The following PCDH15 variants were observed in gnomAD, a reference collection of about 807,000 sequenced individuals.
PCDH15 encodes protocadherin-15.
Under a neutral mutation model 178.5 loss-of-function variants are expected in PCDH15, and 129 were observed. That is an observed-to-expected ratio of 0.72 (90% CI 0.63 to 0.84). The LOEUF (loss-of-function observed/expected upper bound fraction) is 0.84. Ranked by LOEUF, PCDH15 falls within the 40% of genes least tolerant of loss-of-function variation. The pLI, the probability that PCDH15 is intolerant of heterozygous loss-of-function variation, is 0.00. For missense variants in PCDH15, 2,230 were observed against 2,099.9 expected (o/e 1.06, Z -1.21); for synonymous variants, 800 against 732.0 (o/e 1.09, Z -1.50).
At position 53,807,000 on chromosome 10, in the gene PCDH15, C is replaced by T; in HGVS notation, c.4802G>A (p.Gly1601Asp). 6.2e-7 allele frequency: 1 copy of T among 1,613,648 alleles called. No homozygotes were observed. Among genetic ancestry groups the T allele is most frequent in the Non-Finnish European group, 8.5e-7 (1 of 1,179,778 alleles). Residue 1601 changes from glycine to aspartate, a missense_variant, in exon 38 of 38, where the codon GGC becomes GAC. By Grantham distance (94) the Gly-to-Asp change is moderately conservative (BLOSUM62 -1). Coordinates refer to ENST00000644397, the MANE Select transcript of PCDH15 (RefSeq NM_001384140.1). Reference protein sequence around the residue: ...HHPSIHSNINGNIYIAQNGSV... With the variant: ...HHPSIHSNINDNIYIAQNGSV... ...ACCATTCTGTGCAATATATATATTG[C>T]CGTTGATATTACTGTGGATACTAGG...
chr10:54,318,153 T>C (rs186147305), intron 7 of PCDH15, among the ~76,000 whole-genome samples: 32 of 152,326 alleles, frequency 2.1e-4, no homozygotes, highest in Non-Finnish European at 3.4e-4. Flanking sequence ...GGGGGCCATC[T>C]CTTTGAAATG....
At chr10:55,189,612 GT>G in intron 1 of PCDH15, among the ~76,000 whole-genome samples, 1 of 151,842 alleles carries the variant, frequency 6.6e-6, no homozygotes, top group Non-Finnish European at 1.5e-5. Context: ...TAAGAACTTT[GT>G]TTTACATAAA....
chr10:53,939,075 C>G, intron 24 of PCDH15, 120 bp from the exon 25 acceptor site: 1 of 955,714 alleles, frequency 1.0e-6, no homozygotes, highest in Non-Finnish European at 1.6e-6. Context: ...TAGAGTGATG[C>G]ATGAAAGTGA....
chr10:54,250,533 T>A (rs1190821430), intron 8 of PCDH15, among the ~76,000 whole-genome samples: 1 of 152,014 alleles, frequency 6.6e-6, no homozygotes, highest in African/African-American at 2.4e-5. Context: ...TCCACTTGCC[T>A]CGGCCTCTCA....
chr10:54,787,428 A>G (rs1950990128), intron 1 of PCDH15, among the ~76,000 whole-genome samples: 1 of 151,958 alleles, frequency 6.6e-6, no homozygotes, highest in African/African-American at 2.4e-5. Context: ...TTTACATATC[A>G]TTATGTGATA....
intron 3 of PCDH15, among the ~76,000 whole-genome samples, chr10:54,508,601 G>A (rs2081367531): frequency 6.6e-6 from 1 of 152,128 alleles, no homozygotes; most frequent in Non-Finnish European, 1.5e-5. Flanking sequence ...AATATCTGAT[G>A]TGATTCATTG....
intron 2 of PCDH15, among the ~76,000 whole-genome samples, chr10:54,616,044 A>G (rs549046066): frequency 1.3e-5 from 2 of 152,010 alleles, no homozygotes; most frequent in Non-Finnish European, 2.9e-5. Flanking sequence ...AAATTATCTC[A>G]TTTTTTTGAG....
At chr10:55,385,760 TAG>T (rs1320519923) in intron 2 of PCDH15, among the ~76,000 whole-genome samples, 1 of 144,620 alleles carries the variant, frequency 6.9e-6, no homozygotes, top group African/African-American at 2.7e-5. Flanking sequence ...TATATATGTA[TAG>T]ATATATACGT....
intron 1 of PCDH15, among the ~76,000 whole-genome samples, chr10:54,757,079 A>G (rs1947236393): frequency 6.6e-6 from 1 of 152,184 alleles, no homozygotes; most frequent in African/African-American, 2.4e-5. Context: ...GATATAAAGG[A>G]GAAATATAAA....
intron 15 of PCDH15, among the ~76,000 whole-genome samples, chr10:54,115,470 C>T (rs946498977): frequency 1.3e-5 from 2 of 152,206 alleles, no homozygotes; most frequent in Non-Finnish European, 2.9e-5. Flanking sequence ...CACTGAAAGG[C>T]TTCAGCTATC....
chr10:54,895,226 C>G (rs4935127), intron 3 of PCDH15, among the ~76,000 whole-genome samples: 32,075 of 151,988 alleles, frequency 0.21, 4,255 homozygotes, highest in East Asian at 0.52. Context: ...TTCCTCTTCC[C>G]CTAAAAGTCA....
rs762364718 is a variant in PCDH15 at position 54,232,924 on chromosome 10, C to CTTTTTTTTTTT, written c.985+3888_985+3898dup. ...TCTATTGTGTTGTTTAGCTTTCTTT[C>CTTTTTTTTTTT]TTTTTTTTTTTTTTTTTTTTTAAAG... On this transcript the variant is annotated intron_variant, in intron 9 of 37. Transcript: ENST00000644397. 3.6e-4 allele frequency among the ~76,000 whole-genome samples: 39 copies of CTTTTTTTTTTT among 109,186 alleles called. 1 individual carries two copies. Among genetic ancestry groups the CTTTTTTTTTTT allele is most frequent in the African/African-American group, 1.3e-3 (35 of 26,832 alleles). The allele number at this position is 109,186 out of a possible 152,430, so 71.6% of individuals were successfully genotyped here.
intron 6 of PCDH15, among the ~76,000 whole-genome samples, chr10:54,345,512 G>A (rs1295574801): frequency 1.3e-5 from 2 of 152,032 alleles, no homozygotes; most frequent in African/African-American, 4.8e-5. Context: ...GGGGAGATGT[G>A]AGGCAAGGCT....
chr10:54,853,161 G>A (rs1953658326), intron 3 of PCDH15, among the ~76,000 whole-genome samples: 1 of 150,696 alleles, frequency 6.6e-6, no homozygotes, highest in Middle Eastern at 3.2e-3. Context: ...TTGGGAGGCT[G>A]AGGCAGGAGA....
At chr10:54,519,145 C>T (rs558723230) in intron 3 of PCDH15, among the ~76,000 whole-genome samples, 4,307 of 152,180 alleles carry the variant, frequency 0.028, 144 homozygotes, top group Admixed American at 0.11. Context: ...CCTTTGAAAA[C>T]TGGCACAAGA....
At chr10:54,904,996 T>C (rs1389760386) in intron 2 of PCDH15, among the ~76,000 whole-genome samples, 1 of 151,872 alleles carries the variant, frequency 6.6e-6, no homozygotes, top group Non-Finnish European at 1.5e-5. Context: ...TATTACCTAT[T>C]TTCGTTCTGG....
At position 55,031,309 on chromosome 10, in the gene PCDH15, G is replaced by A. The variant is rs539291828; in HGVS notation, c.-79-133809C>T. Reference sequence around the variant, plus strand: ...CAGTTTATAACTCCATGTGTAAACCGAAGACCTCAGTACATTGTATTCATA... The same window carrying A: ...CAGTTTATAACTCCATGTGTAAACCAAAGACCTCAGTACATTGTATTCATA... On this transcript the variant is annotated intron_variant, in intron 2 of 5. Coordinates refer to the PCDH15 transcript ENST00000458638. 4.6e-5 allele frequency among the ~76,000 whole-genome samples: 7 copies of A among 152,222 alleles called. 1 individual carries two copies. Among genetic ancestry groups the A allele is most frequent in the African/African-American group, 1.7e-4 (7 of 41,548 alleles).
intron 2 of PCDH15, among the ~76,000 whole-genome samples, chr10:55,410,924 C>T (rs577245901): frequency 6.6e-6 from 1 of 151,958 alleles, no homozygotes; most frequent in South Asian, 2.1e-4. Context: ...AGTAGGCACC[C>T]TCCCAGTGTT....
At chr10:55,261,666 G>T (rs996486762) in intron 1 of PCDH15, among the ~76,000 whole-genome samples, 18 of 152,042 alleles carry the variant, frequency 1.2e-4, no homozygotes, top group African/African-American at 4.4e-4. Context: ...ATTCTTGGAA[G>T]GTTCCTTAGA....
Sources: allele counts gnomAD v4.1 joint callset (sites outside exome capture counted in the v4.1 genomes callset), GRCh38; gene constraint gnomAD v4.1.1; transcripts MANE v1.5; gene names NCBI Gene and HGNC (gene_info 2026-07-23, HGNC 2026-07-21).